Variants in ST6GALNAC3 observed in about 807,000 individuals in gnomAD.
ST6GALNAC3 encodes the protein ST6 N-acetylgalactosaminide alpha-2,6-sialyltransferase 3, also known as alpha-N-acetylgalactosaminide alpha-2,6-sialyltransferase 3.
A neutral mutation model predicts 32.7 loss-of-function variants in ST6GALNAC3; 25 were observed. The ratio of observed to expected loss-of-function variants is 0.76; its 90% CI spans 0.56 to 1.07. The LOEUF (loss-of-function observed/expected upper bound fraction) is 1.07, where lower values mean the gene tolerates loss of function less well. Among genes scored for constraint, ST6GALNAC3 ranks in the 50% least tolerant of loss-of-function variants. The probability of loss-of-function intolerance (pLI) is 0.00; values close to 1 mark genes in which losing one functional copy is unlikely to be tolerated. For missense variants in ST6GALNAC3, 355 were observed against 382.4 expected (o/e 0.93, Z 0.60); for synonymous variants, 129 against 133.1 (o/e 0.97, Z 0.21).
rs1244719199 is a variant in ST6GALNAC3, at chr1:76,469,365, C to T, written c.623+56948C>T. Among the ~76,000 whole-genome samples, 8 of 151,902 alleles carry T rather than the reference C, an allele frequency of 5.3e-5. No homozygotes were observed. In the East Asian group the frequency reaches 1.5e-3, roughly 29 times the overall value. On this transcript the variant is annotated intron_variant, in intron 3 of 4. Transcript: ENST00000328299. The stretch of plus-strand genomic sequence containing the variant: ...TCCAGGACCTAGCACAATGTCTTGC[C>T]TAGTGTAGGTGTTTAGTAAATATTG...
intron 1 of ST6GALNAC3, among the ~76,000 whole-genome samples, chr1:76,102,552 T>C (rs372185293): frequency 2.6e-5 from 4 of 152,226 alleles, no homozygotes; most frequent in South Asian, 2.1e-4. Flanking sequence ...CACTTTTTAT[T>C]TGTCTATTAC....
intron 1 of ST6GALNAC3, among the ~76,000 whole-genome samples, chr1:76,283,895 A>G (rs1659634436): frequency 6.6e-6 from 1 of 152,200 alleles, no homozygotes; most frequent in South Asian, 2.1e-4. Flanking sequence ...AATTGTTTGG[A>G]AATTTCACAT....
chr1:76,197,022 G>T (rs1265324763), intron 1 of ST6GALNAC3, among the ~76,000 whole-genome samples: 3 of 152,068 alleles, frequency 2.0e-5, no homozygotes, highest in Admixed American at 2.0e-4. Flanking sequence ...GTCCTATTTT[G>T]CTGTGCCTAA....
At chr1:76,390,131 A>G (rs1243692176) in intron 2 of ST6GALNAC3, among the ~76,000 whole-genome samples, 4 of 152,086 alleles carry the variant, frequency 2.6e-5, no homozygotes. Flanking sequence ...TTTATTATTT[A>G]TGTTTGTTTT....
intron 3 of ST6GALNAC3, among the ~76,000 whole-genome samples, chr1:76,429,536 T>C (rs1404613044): frequency 6.6e-6 from 1 of 152,178 alleles, no homozygotes; most frequent in Admixed American, 6.6e-5. Flanking sequence ...ATCCAGACTT[T>C]TATTTTTCCA....
chr1:76,541,172 A>T (rs1260247156), intron 3 of ST6GALNAC3, among the ~76,000 whole-genome samples: 1 of 152,194 alleles, frequency 6.6e-6, no homozygotes, highest in Non-Finnish European at 1.5e-5. Context: ...AAAGCAGAAG[A>T]TGAGTCTCTA....
At chr1:76,620,501 G>A (rs1648567037) in intron 3 of ST6GALNAC3, among the ~76,000 whole-genome samples, 1 of 152,036 alleles carries the variant, frequency 6.6e-6, no homozygotes, top group Non-Finnish European at 1.5e-5. Flanking sequence ...TCTAAGATCA[G>A]GGTACCAGCA....
At chr1:76,164,931 ATG>A (rs1432651821) in intron 1 of ST6GALNAC3, among the ~76,000 whole-genome samples, 5 of 152,126 alleles carry the variant, frequency 3.3e-5, no homozygotes, top group African/African-American at 4.8e-5. Context: ...GGGGACTAAA[ATG>A]TGTGTGTGTG....
intron 2 of ST6GALNAC3, among the ~76,000 whole-genome samples, chr1:76,336,397 A>G (rs1401002780): frequency 6.6e-6 from 1 of 152,234 alleles, no homozygotes; most frequent in African/African-American, 2.4e-5. Flanking sequence ...ATCCCAAGAC[A>G]ATGGTATAGA....
At chr1:76,107,314 T>TTTTTC (rs1647603338) in intron 1 of ST6GALNAC3, among the ~76,000 whole-genome samples, 1 of 147,590 alleles carries the variant, frequency 6.8e-6, no homozygotes, top group East Asian at 1.9e-4. Flanking sequence ...TTTTTTTTTT[T>TTTTTC]ATAATAATCA....
At chr1:76,535,568 G>T (rs1008985893) in intron 3 of ST6GALNAC3, among the ~76,000 whole-genome samples, 4 of 152,086 alleles carry the variant, frequency 2.6e-5, no homozygotes, top group African/African-American at 4.8e-5. Context: ...TTCTATATTT[G>T]CAATCTATTT....
At chr1:76,164,271 A>G (rs777040369) in intron 1 of ST6GALNAC3, among the ~76,000 whole-genome samples, 5 of 152,134 alleles carry the variant, frequency 3.3e-5, no homozygotes, top group Non-Finnish European at 5.9e-5. Context: ...AGAGAGGGAA[A>G]GAGCTGGGAG....
chr1:76,245,899 G>C (rs1212215761), intron 1 of ST6GALNAC3, among the ~76,000 whole-genome samples: 1 of 152,190 alleles, frequency 6.6e-6, no homozygotes, highest in Non-Finnish European at 1.5e-5. Context: ...TTGGAGTGGA[G>C]AGTTCTATAG....
chr1:76,311,295 T>C (rs1474886206), intron 1 of ST6GALNAC3, among the ~76,000 whole-genome samples: 1 of 151,370 alleles, frequency 6.6e-6, no homozygotes, highest in Non-Finnish European at 1.5e-5. Flanking sequence ...TTTAAAAAAA[T>C]TATACTTTAA....
rs76196295 is a variant in ST6GALNAC3 at position 76,329,218 on chromosome 1, T to C, written c.213+15219T>C. 3.9e-4 allele frequency among the ~76,000 whole-genome samples: 59 copies of C among 152,316 alleles called. 1 individual carries two copies. The East Asian group carries it at 0.011, about 28-fold the overall frequency. On this transcript the variant is annotated intron_variant, in intron 2 of 4. Coordinates refer to ENST00000328299, the MANE Select transcript of ST6GALNAC3 (RefSeq NM_152996.4). ...AGCCACCTTGACATTTCTCAGCTAG[T>C]AGGAAGCTTTCTTTTTTCTTTTGTG...
At chr1:76,118,327 A>C (rs1648625813) in intron 1 of ST6GALNAC3, among the ~76,000 whole-genome samples, 1 of 152,262 alleles carries the variant, frequency 6.6e-6, no homozygotes, top group South Asian at 2.1e-4. Context: ...CATAATGCCT[A>C]GAATTTGATA....
At position 76,628,644 on chromosome 1, in the gene ST6GALNAC3, C is replaced by T. The variant is rs1649127648; in HGVS notation, c.756C>T (p.Pro252=). The part of the protein sequence containing the change: ...YCKTEGYRKV[P]YHYYEQGRDE... ...GGACAGAAGGGTATAGAAAAGTCCCCTACCATTATTATGAACAAGGAAGAG... is the reference window on the plus strand; with the variant it reads ...GGACAGAAGGGTATAGAAAAGTCCCTTACCATTATTATGAACAAGGAAGAG... Residue 252 remains proline, a synonymous_variant, in exon 5 of 5, where the codon CCC becomes CCT. Transcript: ENST00000328299. The T allele has an allele frequency of 6.2e-7, 1 of 1,609,728 alleles. No homozygotes were observed. The highest frequency in any genetic ancestry group is 1.3e-5 in the African/African-American group (1 of 74,590).
chr1:76,397,539 G>C (rs1471077454), intron 2 of ST6GALNAC3, among the ~76,000 whole-genome samples: 1 of 90,286 alleles, frequency 1.1e-5, no homozygotes, highest in Non-Finnish European at 2.7e-5. Flanking sequence ...CCAGCTAATT[G>C]TTGCATTTTT....
chr1:76,550,810 G>A (rs1389006520), intron 3 of ST6GALNAC3, among the ~76,000 whole-genome samples: 1 of 152,098 alleles, frequency 6.6e-6, no homozygotes, highest in South Asian at 2.1e-4. Context: ...GAATGCAATG[G>A]AGCGATCTCA....
Sources: gnomAD v4.1 joint callset for allele counts (sites outside exome capture counted in the v4.1 genomes callset) on GRCh38, gnomAD v4.1.1 for gene constraint, MANE v1.5 for transcripts, NCBI Gene and HGNC (gene_info 2026-07-23, HGNC 2026-07-21) for gene names.